The following NACC1 variants were observed in gnomAD, a reference collection of about 807,000 sequenced individuals.
NACC1 encodes nucleus accumbens-associated protein 1.
A neutral mutation model predicts 41.7 loss-of-function variants in NACC1; 6 were observed. The ratio of observed to expected loss-of-function variants is 0.14; its 90% CI spans 0.08 to 0.28. NACC1 has a LOEUF of 0.28. NACC1 is among the 10% of genes least tolerant of loss of function. NACC1 has a pLI of 1.00. For synonymous variants in NACC1, 338 were observed against 330.6 expected (o/e 1.02, Z -0.24); for missense variants, 434 against 763.7 (o/e 0.57, Z 5.09).
intron 1 of NACC1, among the ~76,000 whole-genome samples, chr19:13,133,382 C>T (rs765100609): frequency 2.0e-5 from 3 of 151,856 alleles, no homozygotes; most frequent in Non-Finnish European, 4.4e-5. Flanking sequence ...AAAGAATAAA[C>T]CCCACACACC....
At position 13,118,652 on chromosome 19, in the gene NACC1, G is replaced by A. The variant is rs567150325; in HGVS notation, c.-9+198G>A. 1.7e-3 allele frequency among the ~76,000 whole-genome samples: 256 copies of A among 151,868 alleles called. 1 individual carries two copies. Among genetic ancestry groups the A allele is most frequent in the African/African-American group, 5.9e-3 (246 of 41,456 alleles). ...GCGTCCAGCCCGAGCTTCAGGGCTT[G>A]GGGGCGGCAGGATCGTACCTGGACC... is the stretch of plus-strand genomic sequence containing the variant. On this transcript the variant is annotated intron_variant, in intron 1 of 5. Coordinates refer to ENST00000292431, the MANE Select transcript of NACC1 (RefSeq NM_052876.4).
rs1437038949 is a variant in NACC1, at chr19:13,135,403, G to A, written c.196G>A (p.Val66Met). Residue 66 changes from valine to methionine, a missense_variant, in exon 2 of 6, where the codon GTG becomes ATG. Physicochemically the swap from Val to Met is conservative, Grantham distance 21. Transcript: ENST00000292431. Reference sequence around the variant, plus strand: ...CCTGTTCAACAACAGCCGCAGCGCCGTGGTGGAGCTGCCGGCGGCTGTGCA... The same window carrying A: ...CCTGTTCAACAACAGCCGCAGCGCCATGGTGGAGCTGCCGGCGGCTGTGCA... ...RDLFNNSRSA[V>M]VELPAAVQPQ... The A allele has an allele frequency of 1.2e-6, 2 of 1,613,244 alleles. No individual in the cohort carries two copies. The highest frequency in any genetic ancestry group is 1.7e-6 in the Non-Finnish European group (2 of 1,179,842).
intron 1 of NACC1, among the ~76,000 whole-genome samples, chr19:13,127,446 C>T (rs2019579646): frequency 7.4e-6 from 1 of 135,596 alleles, no homozygotes; most frequent in Non-Finnish European, 1.5e-5. Flanking sequence ...CCTGTAATCC[C>T]AGCACTTTGG....
intron 1 of NACC1, among the ~76,000 whole-genome samples, chr19:13,122,859 C>T (rs568121252): frequency 2.0e-5 from 3 of 152,262 alleles, no homozygotes; most frequent in South Asian, 2.1e-4. Context: ...CCAGGGGATA[C>T]GACTAACAGC....
chr19:13,122,532 G>T (rs994832435), intron 1 of NACC1, among the ~76,000 whole-genome samples: 4 of 150,914 alleles, frequency 2.7e-5, no homozygotes, highest in East Asian at 1.9e-4. Flanking sequence ...CCGGGGGGGG[G>T]GGGGTGTGCT....
In NACC1 at chr19:13,137,650, C is replaced by CA; in HGVS notation, c.1324+76dup. The stretch of plus-strand genomic sequence containing the variant: ...GACGTTTTTTCCCAGCCTTGGCTCT[C>CA]AGAGAGGGCTAGAGTTCAGTGTTGA... On this transcript the variant is annotated intron_variant, in intron 5 of 5. Transcript: ENST00000292431. The surrounding 1 kb of genome is among the most constrained non-coding windows in gnomAD (Gnocchi z 6.1). 1 of 1,262,656 alleles carries CA rather than the reference C, an allele frequency of 7.9e-7. No individual in the cohort carries two copies. The highest frequency in any genetic ancestry group is 1.1e-6 in the Non-Finnish European group (1 of 899,540). 78.2% of individuals were successfully genotyped at this position (1,262,656 alleles called of 1,614,324 possible).
Position 13,135,369 on chromosome 19 carries a change from C to T in NACC1, c.162C>T (p.Tyr54=). Residue 54 remains tyrosine, a synonymous_variant, in exon 2 of 6, where the codon TAC becomes TAT. Transcript: ENST00000292431. ...CCGTGCTTGCTGCCAGCAGCTCCTACTTCCGGGACCTGTTCAACAACAGCC... is the reference window on the plus strand; with the variant it reads ...CCGTGCTTGCTGCCAGCAGCTCCTATTTCCGGGACCTGTTCAACAACAGCC... ...HRAVLAASSS[Y]FRDLFNNSRS... is the part of the protein sequence containing the mutation. 1 of 1,613,664 alleles carries T rather than the reference C, an allele frequency of 6.2e-7. No individual in the cohort carries two copies.
At chr19:13,127,968 A>G (rs1333010674) in intron 1 of NACC1, among the ~76,000 whole-genome samples, 2 of 152,208 alleles carry the variant, frequency 1.3e-5, no homozygotes, top group East Asian at 1.9e-4. Flanking sequence ...AGGGGCCCCA[A>G]TAAAGCATTG....
chr19:13,119,357 C>T (rs1467814477), intron 1 of NACC1, among the ~76,000 whole-genome samples: 1 of 152,106 alleles, frequency 6.6e-6, no homozygotes, highest in African/African-American at 2.4e-5. Context: ...AGGCACTGGC[C>T]AGTGGGTGTT....
At chr19:13,125,820 A>C (rs985337153) in intron 1 of NACC1, among the ~76,000 whole-genome samples, 2 of 151,664 alleles carry the variant, frequency 1.3e-5, no homozygotes, top group African/African-American at 4.9e-5. Flanking sequence ...GCTCGCTGCA[A>C]CTTCCACCTC....
chr19:13,135,062 A>C, intron 1 of NACC1, 138 bp from the exon 2 acceptor site: 1 of 1,402,812 alleles, frequency 7.1e-7, no homozygotes, highest in South Asian at 1.5e-5. Flanking sequence ...GTGGTTTAGC[A>C]CCATGGTAGA....
At chr19:13,129,338 T>C (rs374486603) in intron 1 of NACC1, among the ~76,000 whole-genome samples, 110 of 152,114 alleles carry the variant, frequency 7.2e-4, no homozygotes, top group Non-Finnish European at 1.2e-3. Context: ...AGAGACCCGT[T>C]TCCTCTGAGT....
intron 1 of NACC1, among the ~76,000 whole-genome samples, chr19:13,133,018 G>T (rs1459963459): frequency 6.6e-6 from 1 of 152,196 alleles, no homozygotes; most frequent in Non-Finnish European, 1.5e-5. Context: ...AGATTAGGAG[G>T]AGAGTGGCCA....
upstream of NACC1, chr19:13,117,015 AG>A: frequency 6.5e-6 from 1 of 153,388 alleles, no homozygotes; most frequent in Non-Finnish European, 1.5e-5. Flanking sequence ...AGCACCCTGC[AG>A]GAATGACTCA....
intron 1 of NACC1, among the ~76,000 whole-genome samples, chr19:13,121,872 T>A (rs2019498930): frequency 6.6e-6 from 1 of 152,182 alleles, no homozygotes; most frequent in South Asian, 2.1e-4. Context: ...CCTGTTATCA[T>A]CATTTGACAC....
At position 13,135,402 on chromosome 19, in the gene NACC1, C is replaced by G; in HGVS notation, c.195C>G (p.Ala65=). 6.2e-7 allele frequency: 1 copy of G among 1,613,340 alleles called. No homozygotes were observed. The highest frequency in any genetic ancestry group is 8.5e-7 in the Non-Finnish European group (1 of 1,179,836). Residue 65 remains alanine, a synonymous_variant, in exon 2 of 6, where the codon GCC becomes GCG. Coordinates refer to ENST00000292431, the MANE Select transcript of NACC1 (RefSeq NM_052876.4). ...FRDLFNNSRS[A]VVELPAAVQP... ...ACCTGTTCAACAACAGCCGCAGCGC[C>G]GTGGTGGAGCTGCCGGCGGCTGTGC...
At position 13,138,136 on chromosome 19, in the gene NACC1, C is replaced by G. The variant is rs1469427151; in HGVS notation, c.1325-11C>G. 6.2e-7 allele frequency: 1 copy of G among 1,612,378 alleles called. No homozygotes were observed. The highest frequency in any genetic ancestry group is 8.5e-7 in the Non-Finnish European group (1 of 1,178,618). On this transcript the variant is annotated splice_polypyrimidine_tract_variant and intron_variant, in intron 5 of 5. Transcript: ENST00000292431. The surrounding 1 kb of genome is among the most constrained non-coding windows in gnomAD (Gnocchi z 5.7). ...CCCCCGTGCCAAGGCCGCACCCACC[C>G]TGCCCCACAGACTACTGCCAGAACT... is the stretch of plus-strand genomic sequence containing the variant.
chr19:13,128,332 G>A (rs144831141), intron 1 of NACC1, among the ~76,000 whole-genome samples: 1 of 152,318 alleles, frequency 6.6e-6, no homozygotes, highest in Non-Finnish European at 1.5e-5. Flanking sequence ...CTGGGGGCTG[G>A]CAGTCTAGAT....
At position 13,139,359 on chromosome 19, in the gene NACC1, G is replaced by C. The variant is rs551081497; in HGVS notation, c.*953G>C. The C allele has an allele frequency of 1.3e-5, 2 of 151,930 alleles. No homozygotes were observed. Among genetic ancestry groups the C allele is most frequent in the African/African-American group, 4.8e-5 (2 of 41,334 alleles). The allele number at this position is 151,930 out of a possible 1,614,324, so 9.4% of individuals were successfully genotyped here. A position where few individuals can be genotyped will look rare whatever the true frequency, so the allele number is the denominator to read the frequency against. On this transcript the variant is annotated 3_prime_UTR_variant, in exon 6 of 6. Coordinates refer to ENST00000292431, the MANE Select transcript of NACC1 (RefSeq NM_052876.4). ...ATAATTTTTAAAACCTTTTTTTAGC[G>C]AATGAAATATTGAAGTATAAGATTC...
Sources: allele counts gnomAD v4.1 joint callset (sites outside exome capture counted in the v4.1 genomes callset), GRCh38; gene constraint gnomAD v4.1.1; non-coding constraint Gnocchi (gnomAD v3.1); transcripts MANE v1.5; gene names NCBI Gene and HGNC (gene_info 2026-07-23, HGNC 2026-07-21).